The following GUCY2C variants were observed in gnomAD, a reference collection of about 807,000 sequenced individuals.
GUCY2C encodes guanylate cyclase 2C.
Under a neutral mutation model 131.1 loss-of-function variants are expected in GUCY2C, and 118 were observed. That is an observed-to-expected ratio of 0.90 (90% confidence interval 0.78 to 1.05). The LOEUF (loss-of-function observed/expected upper bound fraction) is 1.05. GUCY2C is among the 50% of genes least tolerant of loss of function. The pLI is 0.00. For missense variants in GUCY2C, 1,161 were observed against 1,304.4 expected (o/e 0.89, Z 1.69); for synonymous variants, 452 against 457.8 (o/e 0.99, Z 0.16).
intron 10 of GUCY2C, among the ~76,000 whole-genome samples, chr12:14,661,679 A>T (rs4764110): frequency 0.025 from 3,837 of 152,254 alleles, 104 homozygotes; most frequent in African/African-American, 0.065. Flanking sequence ...GCGATCCGCC[A>T]ACCTCAGTCT....
chr12:14,659,247 G>A lies in GUCY2C; in HGVS notation c.1364+1734C>T, dbSNP rs1413178936. ...TTTAGTAGAGATGGAGTTTCACCAT[G>A]TTGGCCAGGCTGGTCTTGAACTCCT... On this transcript the variant is annotated intron_variant, in intron 11 of 26. Transcript: ENST00000261170. 2.0e-5 allele frequency among the ~76,000 whole-genome samples: 3 copies of A among 152,048 alleles called. No homozygotes were observed. In the East Asian group the frequency reaches 5.8e-4, roughly 29 times the overall value.
chr12:14,616,099 A>T (rs772345103), intron 25 of GUCY2C, among the ~76,000 whole-genome samples: 1 of 152,184 alleles, frequency 6.6e-6, no homozygotes, highest in Non-Finnish European at 1.5e-5. Context: ...ATCTACGCCC[A>T]CAGAGAATCT....
In GUCY2C at chr12:14,639,918, T is replaced by C. The variant is rs962640580; in HGVS notation, c.2101A>G (p.Met701Val). The change falls in exon 19 of 27, where the codon ATG becomes GTG. Residue 701 changes from methionine to valine, a missense_variant. Transcript: ENST00000261170. ...AATAAATCTGGGCGGAAGGGTTTCA[T>C]TCCATTGGAATTTTCCACTCTGAAA... ...KIFRVENSNG[M>V]KPFRPDLFLE... The C allele has an allele frequency of 6.2e-7, 1 of 1,611,664 alleles. No homozygotes were observed. The highest frequency in any genetic ancestry group is 8.5e-7 in the Non-Finnish European group (1 of 1,177,702).
At chr12:14,674,087 A>G (rs879728354) in intron 8 of GUCY2C, among the ~76,000 whole-genome samples, 2 of 152,250 alleles carry the variant, frequency 1.3e-5, no homozygotes, top group Non-Finnish European at 2.9e-5. Flanking sequence ...AAATTTCTTC[A>G]TAGTCTCAGG....
intron 3 of GUCY2C, among the ~76,000 whole-genome samples, chr12:14,683,865 G>A (rs762954205): frequency 5.9e-5 from 9 of 152,120 alleles, no homozygotes; most frequent in Admixed American, 3.3e-4. Context: ...TTATTTTAGT[G>A]TTTTGAGATT....
chr12:14,624,936 A>C (rs1165344664), intron 21 of GUCY2C, among the ~76,000 whole-genome samples: 1 of 152,238 alleles, frequency 6.6e-6, no homozygotes, highest in Non-Finnish European at 1.5e-5. Flanking sequence ...ACTCAGCATT[A>C]AAGATCAGGC....
chr12:14,678,321 G>A (rs531876195), intron 6 of GUCY2C, among the ~76,000 whole-genome samples: 8 of 152,334 alleles, frequency 5.3e-5, no homozygotes, highest in African/African-American at 1.4e-4. Context: ...AACACATTAT[G>A]TCTAATTTAG....
At chr12:14,690,734 G>T (rs1386756388) in intron 1 of GUCY2C, among the ~76,000 whole-genome samples, 2 of 152,028 alleles carry the variant, frequency 1.3e-5, no homozygotes, top group African/African-American at 4.8e-5. Context: ...GTAGAGACAG[G>T]GTTTCATCGT....
In GUCY2C at chr12:14,625,768, C is replaced by T; in HGVS notation, c.2397G>A (p.Met799Ile). Residue 799 changes from methionine to isoleucine, a missense_variant, in exon 21 of 27, where the codon ATG becomes ATA. By Grantham distance (10) the Met-to-Ile change is conservative. Coordinates refer to ENST00000261170, the MANE Select transcript of GUCY2C (RefSeq NM_004963.4). Reference sequence around the variant, plus strand: ...AAGGCTTGCCTTACCTTGGAAGCAACATAAAGTTAAGTCTGTCAGCCCTGT... The same window carrying T: ...AAGGCTTGCCTTACCTTGGAAGCAATATAAAGTTAAGTCTGTCAGCCCTGT... ...ERDRADRLNF[M>I]LLPRLVVKSL... The T allele has an allele frequency of 6.2e-7, 1 of 1,613,878 alleles. No individual in the cohort carries two copies. Among genetic ancestry groups the T allele is most frequent in the Non-Finnish European group, 8.5e-7 (1 of 1,179,878 alleles).
chr12:14,674,260 T>C (rs1415105527), intron 8 of GUCY2C: 4 of 305,270 alleles, frequency 1.3e-5, no homozygotes, highest in Middle Eastern at 1.2e-3. Flanking sequence ...CCTTGAAGGA[T>C]AGAAAAGGAG....
chr12:14,632,167 T>C (rs1437842025), intron 19 of GUCY2C, among the ~76,000 whole-genome samples: 1 of 152,034 alleles, frequency 6.6e-6, no homozygotes, highest in Non-Finnish European at 1.5e-5. Context: ...TTTTCTCCCA[T>C]TTTGTAGGTT....
At chr12:14,647,631 A>G (rs1415883812) in intron 15 of GUCY2C, among the ~76,000 whole-genome samples, 1 of 152,160 alleles carries the variant, frequency 6.6e-6, no homozygotes, top group Admixed American at 6.5e-5. Flanking sequence ...CCAGCACATC[A>G]TTGATTCCTA....
chr12:14,669,075 C>T (rs1451574467), intron 10 of GUCY2C, among the ~76,000 whole-genome samples: 1 of 152,074 alleles, frequency 6.6e-6, no homozygotes, highest in Admixed American at 6.6e-5. Context: ...ATATATGTCT[C>T]TGTGCTCATT....
At chr12:14,615,106 T>C (rs764514831) in intron 25 of GUCY2C, among the ~76,000 whole-genome samples, 163 bp from the exon 26 acceptor site, 1 of 152,222 alleles carries the variant, frequency 6.6e-6, no homozygotes, top group East Asian at 1.9e-4. Flanking sequence ...ATTTGCATTA[T>C]CTCTAGACAG....
chr12:14,653,713 C>T (rs1331503669), intron 12 of GUCY2C, among the ~76,000 whole-genome samples: 2 of 152,128 alleles, frequency 1.3e-5, no homozygotes, highest in Non-Finnish European at 2.9e-5. Flanking sequence ...ATGTGATTCT[C>T]ATAAAAACCT....
chr12:14,683,857 A>G (rs376070988), intron 3 of GUCY2C, among the ~76,000 whole-genome samples: 1 of 152,044 alleles, frequency 6.6e-6, no homozygotes, highest in African/African-American at 2.4e-5. Flanking sequence ...TTTTTCATTT[A>G]TTTTAGTGTT....
intron 7 of GUCY2C, among the ~76,000 whole-genome samples, chr12:14,675,658 A>T (rs1948217393): frequency 6.6e-6 from 1 of 152,134 alleles, no homozygotes; most frequent in Non-Finnish European, 1.5e-5. Flanking sequence ...GAGGGTCAGA[A>T]CTGCTGTGCC....
At position 14,661,442 on chromosome 12, in the gene GUCY2C, T is replaced by C. The variant is rs1222489770; in HGVS notation, c.1283-380A>G. Among the ~76,000 whole-genome samples, 4 of 151,270 alleles carry C rather than the reference T, an allele frequency of 2.6e-5. No individual in the cohort carries two copies. The South Asian group carries it at 8.4e-4, about 32-fold the overall frequency. ...GGGTTCATAGAGGATGAGACATGTA[T>C]TTTTTTTTCTTTTTGAGACAGAGTT... On this transcript the variant is annotated intron_variant, in intron 10 of 26. Transcript: ENST00000261170.
intron 11 of GUCY2C, among the ~76,000 whole-genome samples, chr12:14,660,142 A>G (rs1947838753): frequency 6.6e-6 from 1 of 152,230 alleles, no homozygotes; most frequent in Admixed American, 6.5e-5. Context: ...CTGGACATTC[A>G]CATGAGAAAG....
Sources: allele counts gnomAD v4.1 joint callset (sites outside exome capture counted in the v4.1 genomes callset), GRCh38; gene constraint gnomAD v4.1.1; transcripts MANE v1.5; gene names NCBI Gene and HGNC (gene_info 2026-07-23, HGNC 2026-07-21).